Variants in UMAD1 observed in about 807,000 individuals in gnomAD.
The protein encoded by UMAD1 is UBAP1-MVB12-associated (UMA)-domain containing protein 1.
In UMAD1, 8 loss-of-function variants were observed where a neutral mutation model predicts 6.1. The observed-to-expected ratio is 1.30, with a 90% CI of 0.76 to 2.35. The LOEUF is 2.35. Among genes scored for constraint, UMAD1 ranks in the 30% most tolerant of loss-of-function variants. The probability of loss-of-function intolerance (pLI) is 0.00; values close to 1 mark genes in which losing one functional copy is unlikely to be tolerated. For synonymous variants in UMAD1, 56 were observed against 31.4 expected (o/e 1.78, Z -2.61); for missense variants, 130 against 78.4 (o/e 1.66, Z -2.49).
At chr7:7,765,630 G>T (rs1437093740) in intron 2 of UMAD1, among the ~76,000 whole-genome samples, 1 of 152,056 alleles carries the variant, frequency 6.6e-6, no homozygotes, top group Non-Finnish European at 1.5e-5. Context: ...TGCCCTGAGG[G>T]TTATGAATGA....
At chr7:7,770,758 A>G (rs1782084277) in intron 2 of UMAD1, among the ~76,000 whole-genome samples, 1 of 152,144 alleles carries the variant, frequency 6.6e-6, no homozygotes, top group South Asian at 2.1e-4. Context: ...AGTATAATAA[A>G]AAAAATGAGG....
chr7:7,773,691 C>T (rs1331294848), intron 2 of UMAD1, among the ~76,000 whole-genome samples: 1 of 152,182 alleles, frequency 6.6e-6, no homozygotes, highest in East Asian at 1.9e-4. Flanking sequence ...CCAAACTTTT[C>T]ATCCTAAGCA....
chr7:7,793,942 C>T (rs945846213), intron 2 of UMAD1, among the ~76,000 whole-genome samples: 3 of 151,922 alleles, frequency 2.0e-5, no homozygotes, highest in Non-Finnish European at 4.4e-5. Flanking sequence ...AAATACACTT[C>T]GAAAAAAAAT....
chr7:7,815,235 A>T (rs889025831), intron 3 of UMAD1, among the ~76,000 whole-genome samples: 1 of 152,144 alleles, frequency 6.6e-6, no homozygotes, highest in African/African-American at 2.4e-5. Flanking sequence ...TCTTGGCTTT[A>T]CCACTTATTG....
chr7:7,838,069 G>C (rs142349497), intron 3 of UMAD1, among the ~76,000 whole-genome samples: 18 of 152,140 alleles, frequency 1.2e-4, no homozygotes, highest in Admixed American at 1.2e-3. Flanking sequence ...AGGATAAAAA[G>C]AAAAAATGTC....
chr7:7,657,078 T>C (rs1476646347), intron 1 of UMAD1, among the ~76,000 whole-genome samples: 1 of 152,150 alleles, frequency 6.6e-6, no homozygotes, highest in African/African-American at 2.4e-5. Context: ...GATGATGAGC[T>C]TTTTTTCATA....
chr7:7,846,217 AG>A, intron 3 of UMAD1, among the ~76,000 whole-genome samples: 1 of 152,322 alleles, frequency 6.6e-6, no homozygotes, highest in Admixed American at 6.5e-5. Context: ...ACACGTGTAA[AG>A]AATATATAGC....
intron 3 of UMAD1, among the ~76,000 whole-genome samples, chr7:7,832,491 C>T (rs10233915): frequency 0.49 from 74,224 of 152,006 alleles, 20,581 homozygotes; most frequent in African/African-American, 0.76. Flanking sequence ...GTAACTTCTA[C>T]TTATACGGAA....
chr7:7,684,422 T>A (rs1779989103), intron 2 of UMAD1, among the ~76,000 whole-genome samples: 1 of 152,100 alleles, frequency 6.6e-6, no homozygotes, highest in South Asian at 2.1e-4. Context: ...TTGGCCAGGC[T>A]GGTCTTGAAC....
chr7:7,789,516 T>C (rs1782525629), intron 2 of UMAD1, among the ~76,000 whole-genome samples: 1 of 152,236 alleles, frequency 6.6e-6, no homozygotes, highest in Non-Finnish European at 1.5e-5. Context: ...TAAACTATTT[T>C]TGAGTATATA....
intron 3 of UMAD1, among the ~76,000 whole-genome samples, chr7:7,855,578 C>T (rs996231995): frequency 6.6e-6 from 1 of 152,216 alleles, no homozygotes; most frequent in African/African-American, 2.4e-5. Flanking sequence ...CTGCACACAG[C>T]AGGGGGGGCC....
chr7:7,670,914 C>G (rs1361965451), intron 1 of UMAD1, among the ~76,000 whole-genome samples: 2 of 152,206 alleles, frequency 1.3e-5, no homozygotes, highest in African/African-American at 4.8e-5. Flanking sequence ...TGTCCAGATT[C>G]TGCTTCCTGG....
At chr7:7,652,570 C>T (rs927442635) in intron 1 of UMAD1, among the ~76,000 whole-genome samples, 12 of 152,092 alleles carry the variant, frequency 7.9e-5, no homozygotes, top group Non-Finnish European at 1.3e-4. Context: ...TTGCTTTGTG[C>T]CCATTGACAT....
At chr7:7,842,166 A>C (rs1384347767) in intron 3 of UMAD1, among the ~76,000 whole-genome samples, 1 of 152,100 alleles carries the variant, frequency 6.6e-6, no homozygotes, top group African/African-American at 2.4e-5. Context: ...GAAATTCCCA[A>C]CTGTTCATTT....
At chr7:7,800,146 G>A (rs529724271) in intron 2 of UMAD1, among the ~76,000 whole-genome samples, 4 of 152,356 alleles carry the variant, frequency 2.6e-5, no homozygotes, top group Non-Finnish European at 4.4e-5. Flanking sequence ...GCCTCCCAAA[G>A]TGGTGGGATT....
At chr7:7,703,424 G>A (rs1780517580) in intron 2 of UMAD1, among the ~76,000 whole-genome samples, 1 of 152,120 alleles carries the variant, frequency 6.6e-6, no homozygotes, top group South Asian at 2.1e-4. Context: ...CATTTTGTGA[G>A]TGCTCTAATT....
At chr7:7,849,002 C>T (rs1297378632) in intron 3 of UMAD1, among the ~76,000 whole-genome samples, 3 of 152,106 alleles carry the variant, frequency 2.0e-5, no homozygotes, top group Admixed American at 6.6e-5. Context: ...ATTACGTGCA[C>T]TTCTTGGAAT....
rs1785227436 is a variant in UMAD1 at position 7,651,751 on chromosome 7, C to T, written c.-64+10930C>T. ...TAACAGGCATTCATCATATGTGACT[C>T]TGCTGGGTGGAAATTGGGTCTTCCG... On this transcript the variant is annotated intron_variant, in intron 1 of 3. Coordinates refer to ENST00000682710, the MANE Select transcript of UMAD1 (RefSeq NM_001302348.2). Among the ~76,000 whole-genome samples the T allele has an allele frequency of 2.0e-5, 3 of 152,168 alleles. No individual in the cohort carries two copies. In the South Asian group the frequency reaches 6.2e-4, roughly 32 times the overall value.
At chr7:7,863,213 C>G (rs1784147329) in intron 3 of UMAD1, among the ~76,000 whole-genome samples, 1 of 152,188 alleles carries the variant, frequency 6.6e-6, no homozygotes, top group Non-Finnish European at 1.5e-5. Context: ...GTGTAAGTCT[C>G]TGCCAGTTAG....
Sources: gnomAD v4.1 joint callset for allele counts (sites outside exome capture counted in the v4.1 genomes callset) on GRCh38, gnomAD v4.1.1 for gene constraint, MANE v1.5 for transcripts, NCBI Gene and HGNC (gene_info 2026-07-23, HGNC 2026-07-21) for gene names.